The following SNTG2 variants were observed in gnomAD, a reference collection of about 807,000 sequenced individuals.
SNTG2 encodes syntrophin gamma 2.
SNTG2 carries 74 observed loss-of-function variants against 70.9 expected under a neutral mutation model. That is an observed-to-expected ratio of 1.04 (90% CI 0.86 to 1.27). The LOEUF (loss-of-function observed/expected upper bound fraction) is 1.27, where lower values mean the gene tolerates loss of function less well. Ranked by LOEUF, SNTG2 falls within the 50% of genes most tolerant of loss-of-function variation. The pLI is 0.00. For synonymous variants in SNTG2, 278 were observed against 273.8 expected, an observed-to-expected ratio of 1.02 and a Z score of -0.15; for missense variants, 717 against 690.7, an observed-to-expected ratio of 1.04 and a Z score of -0.43.
Position 1,073,575 on chromosome 2 carries a change from C to T in SNTG2, c.73-9943C>T, listed in dbSNP as rs1024103862. Among the ~76,000 whole-genome samples the T allele has an allele frequency of 3.9e-5, 6 of 152,320 alleles. No individual in the cohort carries two copies. In the South Asian group the frequency reaches 6.2e-4, roughly 16 times the overall value. ...CAAAAAACTGTGTGACTTGCATTAT[C>T]GCAATATCCACTTGATTAGGGTGGT... On this transcript the variant is annotated intron_variant, in intron 1 of 16. Coordinates refer to ENST00000308624, the MANE Select transcript of SNTG2 (RefSeq NM_018968.4).
At chr2:1,079,619 A>G (rs969743461) in intron 1 of SNTG2, among the ~76,000 whole-genome samples, 1 of 152,098 alleles carries the variant, frequency 6.6e-6, no homozygotes, top group Non-Finnish European at 1.5e-5. Flanking sequence ...TTAAAATACT[A>G]TGTTTTATTT....
At chr2:1,325,713 G>GGTC (rs1476941631) in intron 16 of SNTG2, among the ~76,000 whole-genome samples, 1 of 152,154 alleles carries the variant, frequency 6.6e-6, no homozygotes, top group Non-Finnish European at 1.5e-5. Context: ...ATTGCCTGTG[G>GGTC]GTGACAAAAG....
Position 1,159,085 on chromosome 2 carries a change from T to A in SNTG2, c.412-6463T>A, listed in dbSNP as rs184083582. Among the ~76,000 whole-genome samples, 343 of 143,996 alleles carry A rather than the reference T, an allele frequency of 2.4e-3. 4 individuals carry two copies. The highest frequency in any genetic ancestry group is 0.014 in the South Asian group (60 of 4,312). The allele number at this position is 143,996 out of a possible 152,430, so 94.5% of individuals were successfully genotyped here. On this transcript the variant is annotated intron_variant, in intron 6 of 16. Coordinates refer to ENST00000308624, the MANE Select transcript of SNTG2 (RefSeq NM_018968.4). The stretch of plus-strand genomic sequence containing the variant: ...GTACCTGTGTGTGCACGTGTGTCCG[T>A]GTGTATGTGCATGCGTGTACCTGTG...
intron 1 of SNTG2, among the ~76,000 whole-genome samples, chr2:986,088 A>AGAGAGAGAGG (rs1661309745): frequency 6.6e-6 from 1 of 151,750 alleles, no homozygotes; most frequent in Non-Finnish European, 1.5e-5. Flanking sequence ...AGAGAGAGAG[A>AGAGAGAGAGG]GAGAGAGAGA....
At position 1,192,952 on chromosome 2, in the gene SNTG2, A is replaced by G. The variant is rs897272918; in HGVS notation, c.592-16151A>G. 3.9e-5 allele frequency among the ~76,000 whole-genome samples: 6 copies of G among 152,248 alleles called. No homozygotes were observed. In the South Asian group the frequency reaches 6.2e-4, roughly 16 times the overall value. ...GAGTAGTGGGTGGAAGAGAGCAGTCAGACACCTGCAGGTCAGCCTCTGTGT... is the reference window on the plus strand; with the variant it reads ...GAGTAGTGGGTGGAAGAGAGCAGTCGGACACCTGCAGGTCAGCCTCTGTGT... On this transcript the variant is annotated intron_variant, in intron 8 of 16. Coordinates refer to ENST00000308624, the MANE Select transcript of SNTG2 (RefSeq NM_018968.4).
rs1361155986 is a variant in SNTG2, at chr2:1,103,536, C to T, written c.325+5126C>T. 3 of 169,194 alleles carry T rather than the reference C, an allele frequency of 1.8e-5. No homozygotes were observed. The South Asian group carries it at 3.8e-4, about 21-fold the overall frequency. The allele number at this position is 169,194 out of a possible 1,614,324, so 10.5% of individuals were successfully genotyped here. A position where few individuals can be genotyped will look rare whatever the true frequency, so the allele number is the denominator to read the frequency against. ...TCCTGAGTAGCTGGGATTACAGGCA[C>T]CCGCCACCACGCTCGGCTAATTTTT... On this transcript the variant is annotated intron_variant, in intron 4 of 16. Transcript: ENST00000308624.
At chr2:965,143 T>C (rs558131022) in intron 1 of SNTG2, among the ~76,000 whole-genome samples, 52 of 142,782 alleles carry the variant, frequency 3.6e-4, no homozygotes, top group African/African-American at 1.3e-3. Flanking sequence ...CCAATCCTCC[T>C]CCTGGTCCCC....
rs145285164 is a variant in SNTG2, at chr2:968,692, C to T, written c.72+17624C>T. On this transcript the variant is annotated intron_variant, in intron 1 of 16. Coordinates refer to ENST00000308624, the MANE Select transcript of SNTG2 (RefSeq NM_018968.4). Reference sequence around the variant, plus strand: ...CTTTTTGGAAGTGTCTGTTCATGTCCTTTAACCATTTTTTAATGGGATTAT... The same window carrying T: ...CTTTTTGGAAGTGTCTGTTCATGTCTTTTAACCATTTTTTAATGGGATTAT... Among the ~76,000 whole-genome samples, 19 of 152,206 alleles carry T rather than the reference C, an allele frequency of 1.2e-4. No individual in the cohort carries two copies. The East Asian group carries it at 3.7e-3, about 29-fold the overall frequency.
At position 959,508 on chromosome 2, in the gene SNTG2, G is replaced by T. The variant is rs368984066; in HGVS notation, c.72+8440G>T. ...AAGGGAGTCAGGGAGGCCTGGAGTC[G>T]GGGGGAGGTCCAGGGTTCAGCTGTG... On this transcript the variant is annotated intron_variant, in intron 1 of 16. Coordinates refer to ENST00000308624, the MANE Select transcript of SNTG2 (RefSeq NM_018968.4). Among the ~76,000 whole-genome samples the T allele has an allele frequency of 5.9e-5, 9 of 152,060 alleles. No homozygotes were observed. The East Asian group carries it at 1.7e-3, about 29-fold the overall frequency.
At chr2:1,256,252 T>C (rs910978685) in intron 12 of SNTG2, among the ~76,000 whole-genome samples, 2 of 152,150 alleles carry the variant, frequency 1.3e-5, no homozygotes, top group African/African-American at 4.8e-5. Context: ...CACCGTGGTC[T>C]GTGCAGTTCA....
chr2:1,322,006 T>C (rs952337551), intron 16 of SNTG2, among the ~76,000 whole-genome samples: 3 of 152,014 alleles, frequency 2.0e-5, no homozygotes, highest in Non-Finnish European at 4.4e-5. Flanking sequence ...TAACCTTTGA[T>C]AGAAGGCTGG....
chr2:1,239,546 C>T (rs28436921), intron 10 of SNTG2, among the ~76,000 whole-genome samples, 192 bp from the exon 11 acceptor site: 16,175 of 152,160 alleles, frequency 0.11, 889 homozygotes, highest in South Asian at 0.15. Context: ...GGAATTGAAG[C>T]CTGCTAGTAA....
At chr2:1,251,419 C>T (rs1243722947) in intron 12 of SNTG2, among the ~76,000 whole-genome samples, 1 of 151,212 alleles carries the variant, frequency 6.6e-6, no homozygotes, top group Admixed American at 6.7e-5. Flanking sequence ...GACCCACACA[C>T]ATGCACACAC....
At chr2:951,093 T>A in intron 1 of SNTG2, 25 bp downstream of exon 1, 1 of 1,213,228 alleles carries the variant, frequency 8.2e-7, no homozygotes, top group Non-Finnish European at 1.0e-6. Context: ...TCAGCGCCCC[T>A]TCACCTCCGG....
chr2:1,249,721 A>G (rs1252525521), intron 12 of SNTG2, among the ~76,000 whole-genome samples: 2 of 152,260 alleles, frequency 1.3e-5, no homozygotes, highest in Admixed American at 1.3e-4. Flanking sequence ...TGATTTTGAA[A>G]TAATTCTTTT....
intron 8 of SNTG2, among the ~76,000 whole-genome samples, chr2:1,190,545 T>C (rs886543656): frequency 2.9e-5 from 4 of 138,850 alleles, no homozygotes; most frequent in African/African-American, 1.0e-4. Flanking sequence ...ATATATGACA[T>C]ATATAAACAT....
chr2:1,119,836 A>C (rs999073136), intron 4 of SNTG2, among the ~76,000 whole-genome samples: 1 of 152,292 alleles, frequency 6.6e-6, no homozygotes, highest in Non-Finnish European at 1.5e-5. Flanking sequence ...AATCACCTTG[A>C]ATATTACAAA....
intron 8 of SNTG2, among the ~76,000 whole-genome samples, chr2:1,196,050 A>G (rs999858254): frequency 6.6e-6 from 1 of 152,186 alleles, no homozygotes; most frequent in Non-Finnish European, 1.5e-5. Context: ...AACTTTGCAT[A>G]TCACCTTCTT....
chr2:1,325,553 GT>G (rs1681724767), intron 16 of SNTG2, among the ~76,000 whole-genome samples: 1 of 152,214 alleles, frequency 6.6e-6, no homozygotes, highest in Non-Finnish European at 1.5e-5. Flanking sequence ...AGTTCTGGAA[GT>G]TTTTAAGTAG....
Sources: gnomAD v4.1 joint callset for allele counts (sites outside exome capture counted in the v4.1 genomes callset) on GRCh38, gnomAD v4.1.1 for gene constraint, MANE v1.5 for transcripts, NCBI Gene and HGNC (gene_info 2026-07-23, HGNC 2026-07-21) for gene names.